ELF2: variants seen among roughly 807,000 people sequenced by gnomAD.
The protein encoded by ELF2 is ETS-related transcription factor Elf-2.
ELF2 carries 11 observed loss-of-function variants against 54.8 expected under a neutral mutation model. The observed-to-expected ratio is 0.20, with a 90% CI of 0.13 to 0.33. The LOEUF (loss-of-function observed/expected upper bound fraction) is 0.33, where lower values mean the gene tolerates loss of function less well. Ranked by LOEUF, ELF2 falls within the 10% of genes least tolerant of loss-of-function variation. The pLI, the probability that ELF2 is intolerant of heterozygous loss-of-function variation, is 1.00. For synonymous variants in ELF2, 203 were observed against 245.1 expected (o/e 0.83, Z 1.61); for missense variants, 513 against 703.0 (o/e 0.73, Z 3.06).
chr4:139,174,638 T>C (rs1162616313), intron 1 of ELF2, among the ~76,000 whole-genome samples: 1 of 152,158 alleles, frequency 6.6e-6, no homozygotes, highest in Non-Finnish European at 1.5e-5. Flanking sequence ...TGTACAGACT[T>C]TTTTCTGGTC....
chr4:139,122,238 C>T (rs1402322881), intron 4 of ELF2, among the ~76,000 whole-genome samples: 2 of 152,102 alleles, frequency 1.3e-5, no homozygotes, highest in Non-Finnish European at 2.9e-5. Context: ...GATCTCAATT[C>T]CCCCAATTCA....
chr4:139,151,369 C>A (rs1739980734), intron 1 of ELF2, among the ~76,000 whole-genome samples: 1 of 152,068 alleles, frequency 6.6e-6, no homozygotes, highest in Non-Finnish European at 1.5e-5. Context: ...TGGTTTATAA[C>A]AACATAAACC....
At chr4:139,087,951 A>C (rs1309999470) in intron 4 of ELF2, among the ~76,000 whole-genome samples, 8 of 152,180 alleles carry the variant, frequency 5.3e-5, no homozygotes, top group Non-Finnish European at 1.0e-4. Context: ...TTCTTGTGAA[A>C]CTTTACAAGG....
intron 4 of ELF2, among the ~76,000 whole-genome samples, chr4:139,085,108 T>C (rs1345517499): frequency 2.6e-5 from 4 of 152,180 alleles, no homozygotes; most frequent in Non-Finnish European, 5.9e-5. Flanking sequence ...AAAAAAGTAA[T>C]TCTTGCTGAA....
intron 1 of ELF2, among the ~76,000 whole-genome samples, chr4:139,172,399 G>T (rs1202197764): frequency 6.6e-6 from 1 of 152,096 alleles, no homozygotes; most frequent in Non-Finnish European, 1.5e-5. Context: ...CTCATACCAT[G>T]CCCCTCTGCC....
intron 4 of ELF2, among the ~76,000 whole-genome samples, chr4:139,078,859 A>G (rs959870202): frequency 1.3e-5 from 2 of 152,184 alleles, no homozygotes; most frequent in African/African-American, 4.8e-5. Flanking sequence ...AATTACAAAG[A>G]AAACTTCAAA....
At chr4:139,096,529 T>C (rs1303658411) in intron 4 of ELF2, among the ~76,000 whole-genome samples, 1 of 151,946 alleles carries the variant, frequency 6.6e-6, no homozygotes, top group Admixed American at 6.6e-5. Context: ...TGGTGTGATC[T>C]CGACTCACTG....
chr4:139,168,474 A>G (rs1012267171), intron 1 of ELF2, among the ~76,000 whole-genome samples: 4 of 152,216 alleles, frequency 2.6e-5, no homozygotes, highest in African/African-American at 9.6e-5. Context: ...ATGATAGCCT[A>G]CATTTAAGGA....
chr4:139,057,274 A>G lies in ELF2; in HGVS notation c.*1709T>C, dbSNP rs886924804. Reference sequence around the variant, plus strand: ...GAGTTTTTCTTTGAGCTTTTGTATAAAAGTATCATCAATATATTTATGGAA... The same window carrying G: ...GAGTTTTTCTTTGAGCTTTTGTATAGAAGTATCATCAATATATTTATGGAA... On this transcript the variant is annotated 3_prime_UTR_variant, in exon 10 of 10. Coordinates refer to ENST00000686138, the MANE Select transcript of ELF2 (RefSeq NM_001331036.3). 1 of 152,228 alleles carries G rather than the reference A, an allele frequency of 6.6e-6. No individual in the cohort carries two copies. Among genetic ancestry groups the G allele is most frequent in the Non-Finnish European group, 1.5e-5 (1 of 68,038 alleles). The allele number at this position is 152,228 out of a possible 1,614,324, so 9.4% of individuals were successfully genotyped here.
chr4:139,153,826 C>G (rs1479578979), intron 1 of ELF2, among the ~76,000 whole-genome samples: 2 of 152,212 alleles, frequency 1.3e-5, no homozygotes, highest in East Asian at 1.9e-4. Flanking sequence ...ATGTAAAATG[C>G]AGATTCATAG....
At chr4:139,118,297 G>A (rs1735960425) in intron 4 of ELF2, among the ~76,000 whole-genome samples, 1 of 152,132 alleles carries the variant, frequency 6.6e-6, no homozygotes, top group African/African-American at 2.4e-5. Flanking sequence ...TGGTATAACA[G>A]ATCAGGTAAG....
At chr4:139,100,902 G>GA (rs201554906) in intron 4 of ELF2, among the ~76,000 whole-genome samples, 2,197 of 152,252 alleles carry the variant, frequency 0.014, 27 homozygotes, top group Middle Eastern at 0.027. Context: ...AGGCTGATTA[G>GA]AAGGCCAAAG....
chr4:139,147,290 A>C (rs1320481651), intron 1 of ELF2, among the ~76,000 whole-genome samples: 1 of 152,252 alleles, frequency 6.6e-6, no homozygotes, highest in East Asian at 1.9e-4. Context: ...AAAAGTGCTC[A>C]ATATCACTAA....
chr4:139,122,131 ATAAATATAACATCTT>A (rs1560836346), intron 4 of ELF2, among the ~76,000 whole-genome samples: 1 of 152,254 alleles, frequency 6.6e-6, no homozygotes, highest in Admixed American at 6.5e-5. Context: ...GAACAAGCCA[ATAAATATAACATCTT>A]TTAGACTGAC....
At chr4:139,123,616 T>C (rs894365468) in intron 4 of ELF2, among the ~76,000 whole-genome samples, 1 of 152,216 alleles carries the variant, frequency 6.6e-6, no homozygotes, top group African/African-American at 2.4e-5. Flanking sequence ...ACATCCTAAT[T>C]TACTAACTTA....
intron 4 of ELF2, among the ~76,000 whole-genome samples, chr4:139,105,945 G>T (rs2148796770): frequency 6.6e-6 from 1 of 152,324 alleles, no homozygotes; most frequent in East Asian, 1.9e-4. Flanking sequence ...GGACTTGTTA[G>T]AAATGCAAAT....
chr4:139,146,627 T>C (rs1739245862), intron 1 of ELF2, among the ~76,000 whole-genome samples: 2 of 152,216 alleles, frequency 1.3e-5, no homozygotes, highest in South Asian at 4.1e-4. Context: ...CTTCAAATTA[T>C]ACCAGGCTAT....
rs70940499 is a variant in ELF2, at chr4:139,170,259, CTTTTTTTT to C, written c.-252+6700_-252+6707del. The stretch of plus-strand genomic sequence containing the variant: ...TTACACTTTAAAAGATCTTAATCGC[CTTTTTTTT>C]TTTTTTTTTTTTTTTGAGACAGAGT... On this transcript the variant is annotated intron_variant, in intron 1 of 9. Transcript: ENST00000686138. Among the ~76,000 whole-genome samples the C allele has an allele frequency of 4.5e-5, 4 of 89,306 alleles. No individual in the cohort carries two copies. In the South Asian group the frequency reaches 1.9e-3, roughly 42 times the overall value. 58.6% of individuals were successfully genotyped at this position (89,306 alleles called of 152,430 possible).
intron 4 of ELF2, among the ~76,000 whole-genome samples, chr4:139,083,030 C>CA (rs1731354558): frequency 1.3e-5 from 2 of 152,194 alleles, no homozygotes; most frequent in Admixed American, 6.5e-5. Context: ...CACTCCCGCC[C>CA]AATCTTCATT....
Sources: allele counts gnomAD v4.1 joint callset (sites outside exome capture counted in the v4.1 genomes callset), GRCh38; gene constraint gnomAD v4.1.1; transcripts MANE v1.5; gene names NCBI Gene and HGNC (gene_info 2026-07-23, HGNC 2026-07-21).